The following UBE2K variants were observed in gnomAD, a reference collection of about 807,000 sequenced individuals.
UBE2K encodes ubiquitin-conjugating enzyme E2 K.
UBE2K carries 6 observed loss-of-function variants against 30.0 expected under a neutral mutation model. The ratio of observed to expected loss-of-function variants is 0.20; its 90% CI spans 0.11 to 0.39. The LOEUF is 0.39. Ranked by LOEUF, UBE2K falls within the 10% of genes least tolerant of loss-of-function variation. The pLI, the probability that UBE2K is intolerant of heterozygous loss-of-function variation, is 1.00. For missense variants in UBE2K, 61 were observed against 241.6 expected (o/e 0.25, Z 4.96); for synonymous variants, 86 against 83.7 (o/e 1.03, Z -0.15).
At chr4:39,764,275 C>G (rs1712161330) in intron 4 of UBE2K, among the ~76,000 whole-genome samples, 2 of 152,268 alleles carry the variant, frequency 1.3e-5, no homozygotes, top group South Asian at 4.2e-4. Flanking sequence ...AAAGTCAGGG[C>G]TGCAGTGAGC....
intron 1 of UBE2K, among the ~76,000 whole-genome samples, chr4:39,707,455 T>G (rs1304146758): frequency 1.3e-5 from 2 of 151,728 alleles, no homozygotes; most frequent in African/African-American, 4.8e-5. Context: ...CTGCCTTGGC[T>G]TCTCAAAGTG....
chr4:39,777,235 C>T (rs1228450688), intron 5 of UBE2K, among the ~76,000 whole-genome samples: 1 of 152,168 alleles, frequency 6.6e-6, no homozygotes, highest in African/African-American at 2.4e-5. Context: ...TGTAAGAAAA[C>T]AGAAGAATCT....
Position 39,778,437 on chromosome 4 carries a change from C to T in UBE2K, c.*3C>T. 6.2e-7 allele frequency: 1 copy of T among 1,604,112 alleles called. No homozygotes were observed. Among genetic ancestry groups the T allele is most frequent in the Non-Finnish European group, 8.5e-7 (1 of 1,172,096 alleles). Reference sequence around the variant, plus strand: ...CAGAATTGCTTCTGAGTAACTGAGGCATAGAGAGCTGCTGATATAGTCAAG... The same window carrying T: ...CAGAATTGCTTCTGAGTAACTGAGGTATAGAGAGCTGCTGATATAGTCAAG... On this transcript the variant is annotated 3_prime_UTR_variant, in exon 7 of 7. Transcript: ENST00000261427.
intron 4 of UBE2K, among the ~76,000 whole-genome samples, chr4:39,774,581 C>T (rs1224213049): frequency 1.3e-5 from 2 of 151,572 alleles, no homozygotes; most frequent in Admixed American, 6.6e-5. Flanking sequence ...CCACTGCACT[C>T]CAGCCTGGGC....
chr4:39,713,302 T>TTTTTTTTTTTTTTTA (rs1718820020), intron 1 of UBE2K, among the ~76,000 whole-genome samples: 9 of 145,744 alleles, frequency 6.2e-5, no homozygotes, highest in South Asian at 2.2e-4. Context: ...TTTTTTTTTT[T>TTTTTTTTTTTTTTTA]GAGACAGTTC....
At chr4:39,742,837 G>C (rs1578465220) in intron 2 of UBE2K, among the ~76,000 whole-genome samples, 1 of 152,138 alleles carries the variant, frequency 6.6e-6, no homozygotes, top group East Asian at 1.9e-4. Context: ...CCTGAGGCCA[G>C]AAGTTCAAGC....
At chr4:39,759,072 A>G (rs1015827221) in intron 4 of UBE2K, among the ~76,000 whole-genome samples, 6 of 152,194 alleles carry the variant, frequency 3.9e-5, no homozygotes, top group Admixed American at 6.5e-5. Flanking sequence ...GTGCATATCC[A>G]TATTTAAATG....
chr4:39,750,473 C>T (rs180904793), intron 3 of UBE2K, among the ~76,000 whole-genome samples: 109 of 152,260 alleles, frequency 7.2e-4, no homozygotes, highest in African/African-American at 2.4e-3. Flanking sequence ...CGTTTTTATT[C>T]ATTGAGTGCT....
chr4:39,746,144 C>CA (rs1560363827), intron 3 of UBE2K, among the ~76,000 whole-genome samples: 1 of 151,986 alleles, frequency 6.6e-6, no homozygotes, highest in Non-Finnish European at 1.5e-5. Context: ...TTACTTGACT[C>CA]AAAGAAGTAT....
At chr4:39,774,105 T>C (rs1713124069) in intron 4 of UBE2K, among the ~76,000 whole-genome samples, 1 of 151,702 alleles carries the variant, frequency 6.6e-6, no homozygotes, top group African/African-American at 2.4e-5. Flanking sequence ...GATACCAGCC[T>C]AGGCAACATG....
At chr4:39,769,662 C>T (rs1712616089) in intron 4 of UBE2K, among the ~76,000 whole-genome samples, 1 of 151,372 alleles carries the variant, frequency 6.6e-6, no homozygotes, top group Admixed American at 6.6e-5. Context: ...CTGCCAAATT[C>T]CCTCCCTGTT....
intron 1 of UBE2K, among the ~76,000 whole-genome samples, chr4:39,730,640 C>G (rs372398150): frequency 1.3e-5 from 2 of 151,720 alleles, no homozygotes; most frequent in Non-Finnish European, 2.9e-5. Context: ...TGGTGGTGGG[C>G]GCCTATAATT....
chr4:39,763,584 C>T (rs1471788608), intron 4 of UBE2K, among the ~76,000 whole-genome samples: 1 of 152,088 alleles, frequency 6.6e-6, no homozygotes, highest in African/African-American at 2.4e-5. Context: ...CACATGAACT[C>T]AGTCATCACC....
chr4:39,781,717 A>G lies in UBE2K; in HGVS notation c.*3283A>G. 1 of 386,778 alleles carries G rather than the reference A, an allele frequency of 2.6e-6. No homozygotes were observed. Among genetic ancestry groups the G allele is most frequent in the Admixed American group, 4.5e-5 (1 of 22,460 alleles). 24.0% of individuals were successfully genotyped at this position (386,778 alleles called of 1,614,324 possible). On this transcript the variant is annotated 3_prime_UTR_variant, in exon 7 of 7. Transcript: ENST00000261427. ...GTATGTAGAGGGAAACAATGTTTAG[A>G]TAGGAAAAAGGAAGCCGTCTGTTTA...
At chr4:39,746,999 TG>T (rs145638507) in intron 3 of UBE2K, among the ~76,000 whole-genome samples, 1,705 of 152,306 alleles carry the variant, frequency 0.011, 39 homozygotes, top group African/African-American at 0.038. Context: ...TAGTGTCCCT[TG>T]GGCATATGAT....
In UBE2K at chr4:39,770,261, G is replaced by A. The variant is rs1349737111; in HGVS notation, c.300-4573G>A. The A allele has an allele frequency of 1.9e-6, 3 of 1,609,492 alleles. No individual in the cohort carries two copies. In the African/African-American group the frequency reaches 4.0e-5, roughly 22 times the overall value. On this transcript the variant is annotated intron_variant, in intron 4 of 6. Coordinates refer to ENST00000261427, the MANE Select transcript of UBE2K (RefSeq NM_005339.5). ...GCAGGTTGAGGTGGTCGTGCAGGGT[G>A]GACTTCTGTGTGAAGCACTTGCCGC...
intron 1 of UBE2K, among the ~76,000 whole-genome samples, chr4:39,721,459 T>A (rs1357558838): frequency 6.6e-6 from 1 of 152,104 alleles, no homozygotes; most frequent in Non-Finnish European, 1.5e-5. Context: ...TCTTAAGTGA[T>A]CTTCCTACCT....
intron 1 of UBE2K, among the ~76,000 whole-genome samples, chr4:39,718,490 C>T (rs997781417): frequency 2.0e-5 from 3 of 152,350 alleles, no homozygotes; most frequent in Admixed American, 6.5e-5. Flanking sequence ...TGGAGCTGCC[C>T]GCCAGTCCTG....
intron 1 of UBE2K, among the ~76,000 whole-genome samples, chr4:39,726,486 G>T (rs1159188216): frequency 1.3e-5 from 2 of 151,880 alleles, no homozygotes; most frequent in Non-Finnish European, 2.9e-5. Flanking sequence ...CTCCCAAAGT[G>T]CTGGGATTAC....
Sources: gnomAD v4.1 joint callset for allele counts (sites outside exome capture counted in the v4.1 genomes callset) on GRCh38, gnomAD v4.1.1 for gene constraint, MANE v1.5 for transcripts, NCBI Gene and HGNC (gene_info 2026-07-23, HGNC 2026-07-21) for gene names.